The following AHCY variants were observed in gnomAD, a reference collection of about 807,000 sequenced individuals.
The protein encoded by AHCY is S-adenosyl-L-homocysteine hydrolase.
A neutral mutation model predicts 45.4 loss-of-function variants in AHCY; 24 were observed. The observed-to-expected ratio is 0.53, with a 90% CI of 0.38 to 0.74. The LOEUF (loss-of-function observed/expected upper bound fraction) is 0.74. AHCY is among the 30% of genes least tolerant of loss of function. AHCY has a pLI of 0.00. For missense variants in AHCY, 449 were observed against 594.1 expected (o/e 0.76, Z 2.54); for synonymous variants, 245 against 235.1 (o/e 1.04, Z -0.39).
At chr20:34,277,437 T>C (rs2035918060), downstream of AHCY, among the ~76,000 whole-genome samples, 1 of 151,590 alleles carries the variant, frequency 6.6e-6, no homozygotes, top group Admixed American at 6.6e-5. Context: ...TCAAAACAGC[T>C]CCCTCCCACC....
At chr20:34,309,679 G>A (rs1217404651) in intron 1 of AHCY, among the ~76,000 whole-genome samples, 1 of 152,294 alleles carries the variant, frequency 6.6e-6, no homozygotes, top group Middle Eastern at 3.4e-3. Flanking sequence ...TACTTGGGAG[G>A]CTGAGGCAGG....
Position 34,290,227 on chromosome 20 carries a change from C to A in AHCY, c.972+105G>T. The A allele has an allele frequency of 1.8e-6, 2 of 1,099,432 alleles. No individual in the cohort carries two copies. The highest frequency in any genetic ancestry group is 2.8e-6 in the Non-Finnish European group (2 of 722,166). 68.1% of individuals were successfully genotyped at this position (1,099,432 alleles called of 1,614,324 possible). On this transcript the variant is annotated intron_variant, in intron 8 of 9. Coordinates refer to ENST00000217426, the MANE Select transcript of AHCY (RefSeq NM_000687.4). The surrounding 1 kb of genome is among the most constrained non-coding windows in gnomAD (Gnocchi z 4.5). ...TGATGCTAGGCCCTCTTCTCCCCAT[C>A]CCCCTGCACAGGTTGCCACCATCTC...
chr20:34,243,758 T>TTA, the AHCY span, among the ~76,000 whole-genome samples: 6 of 134,048 alleles, frequency 4.5e-5, no homozygotes, highest in African/African-American at 1.6e-4. Context: ...ATATTGTATT[T>TTA]AAAAAAAAAA....
the AHCY span, among the ~76,000 whole-genome samples, chr20:34,264,262 G>A: frequency 6.6e-6 from 1 of 152,142 alleles, no homozygotes; most frequent in African/African-American, 2.4e-5. Flanking sequence ...GTAAACAACT[G>A]CAGTACATAC....
chr20:34,310,840 C>G (rs2036940134), intron 1 of AHCY, among the ~76,000 whole-genome samples: 1 of 151,346 alleles, frequency 6.6e-6, no homozygotes, highest in South Asian at 2.1e-4. Flanking sequence ...TTTAAAAAAA[C>G]GACAGTCGGG....
the AHCY span, chr20:34,262,857 C>T: frequency 1.0e-4 from 167 of 1,613,882 alleles, no homozygotes; most frequent in African/African-American, 1.7e-3. Flanking sequence ...CCAAACAGAT[C>T]GGCAGAAAAG....
the AHCY span, among the ~76,000 whole-genome samples, chr20:34,254,274 G>T: frequency 6.6e-6 from 1 of 152,286 alleles, no homozygotes; most frequent in East Asian, 1.9e-4. Context: ...TGTTGGTCAG[G>T]CTGGTCTCGA....
intron 2 of AHCY, 146 bp from the exon 3 acceptor site, chr20:34,294,302 G>T: frequency 1.3e-6 from 1 of 790,250 alleles, no homozygotes; most frequent in Non-Finnish European, 2.2e-6. Context: ...GGCTGGGGAT[G>T]CTGGGTGGGC....
At chr20:34,235,944 A>AGAAT in the AHCY span, among the ~76,000 whole-genome samples, 2 of 119,248 alleles carry the variant, frequency 1.7e-5, no homozygotes, top group Admixed American at 7.7e-5. Context: ...GAGGGAGGGA[A>AGAAT]GAAGGAAGGA....
At chr20:34,309,394 A>G (rs567408273) in intron 1 of AHCY, among the ~76,000 whole-genome samples, 9 of 152,122 alleles carry the variant, frequency 5.9e-5, no homozygotes, top group Non-Finnish European at 1.3e-4. Context: ...ATGAGCCAGG[A>G]GTTTTGGTGC....
intron 8 of AHCY, among the ~76,000 whole-genome samples, chr20:34,287,386 ATTTTTTT>A (rs11479058): frequency 8.6e-6 from 1 of 115,752 alleles, no homozygotes; most frequent in Non-Finnish European, 1.8e-5. Context: ...TATTTTATTA[ATTTTTTT>A]TTTTTTTTTT....
the AHCY span, among the ~76,000 whole-genome samples, chr20:34,253,425 C>T: frequency 3.5e-5 from 5 of 141,660 alleles, no homozygotes; most frequent in Admixed American, 2.0e-4. Context: ...TTTCTTTTCC[C>T]TACGCTCTTA....
chr20:34,303,093 C>G, intron 1 of AHCY, 150 bp downstream of exon 1: 1 of 1,473,228 alleles, frequency 6.8e-7, no homozygotes, highest in Non-Finnish European at 9.0e-7. Context: ...AGAACTCCAA[C>G]TTCCAGCTGG....
chr20:34,311,317 C>T (rs996894900), intron 1 of AHCY, among the ~76,000 whole-genome samples: 19 of 152,296 alleles, frequency 1.2e-4, no homozygotes, highest in African/African-American at 4.1e-4. Context: ...ACAGTGCTTC[C>T]CTGGGGATCC....
chr20:34,277,612 G>A (rs148719283), downstream of AHCY, among the ~76,000 whole-genome samples: 1,680 of 151,918 alleles, frequency 0.011, 18 homozygotes, highest in Non-Finnish European at 0.015. Flanking sequence ...AAAATTAGCC[G>A]GACACGGTGG....
upstream of AHCY, among the ~76,000 whole-genome samples, chr20:34,307,835 C>T (rs182689574): frequency 1.3e-5 from 2 of 152,166 alleles, no homozygotes. Flanking sequence ...GGTACCTGTG[C>T]CAGTTTGGTA....
downstream of AHCY, among the ~76,000 whole-genome samples, chr20:34,276,661 G>A (rs2035912619): frequency 6.6e-6 from 1 of 152,124 alleles, no homozygotes; most frequent in Non-Finnish European, 1.5e-5. Context: ...GCAGCCTCTA[G>A]TCCTGGGGGA....
Position 34,291,468 on chromosome 20 carries a change from T to G in AHCY, c.509A>C (p.Asn170Thr). ...GVHNLYKMMANGILKVPAINV... is the reference protein window; with the variant it reads ...GVHNLYKMMATGILKVPAINV... ...GATGGCAGGCACCTTGAGGATCCCA[T>G]TGGCCATCATCTTGTAGAGGTTGTG... The change falls in exon 5 of 10, where the codon AAT becomes ACT. Residue 170 changes from asparagine to threonine, a missense_variant. Transcript: ENST00000217426. 2 of 1,614,136 alleles carry G rather than the reference T, an allele frequency of 1.2e-6. No individual in the cohort carries two copies. The highest frequency in any genetic ancestry group is 1.7e-6 in the Non-Finnish European group (2 of 1,180,008).
At chr20:34,293,756 G>A (rs777686189) in intron 3 of AHCY, 11 of 411,708 alleles carry the variant, frequency 2.7e-5, no homozygotes, top group Admixed American at 3.6e-5. Context: ...TTTCTGCCCC[G>A]TAGCCCTCCC....
Sources: allele counts gnomAD v4.1 joint callset (sites outside exome capture counted in the v4.1 genomes callset), GRCh38; gene constraint gnomAD v4.1.1; non-coding constraint Gnocchi (gnomAD v3.1); transcripts MANE v1.5; gene names NCBI Gene and HGNC (gene_info 2026-07-23, HGNC 2026-07-21).